The following CNBD1 variants were observed in gnomAD, a reference collection of about 807,000 sequenced individuals.
The protein encoded by CNBD1 is cyclic nucleotide binding domain containing 1.
Under a neutral mutation model 54.4 loss-of-function variants are expected in CNBD1, and 71 were observed. The observed-to-expected ratio is 1.30, with a 90% CI of 1.08 to 1.59. The LOEUF (loss-of-function observed/expected upper bound fraction) is 1.59. CNBD1 is among the 40% of genes most tolerant of loss of function. CNBD1 has a pLI of 0.00. For missense variants in CNBD1, 659 were observed against 518.0 expected (o/e 1.27, Z -2.64); for synonymous variants, 182 against 170.7 (o/e 1.07, Z -0.51).
intron 4 of CNBD1, among the ~76,000 whole-genome samples, chr8:87,170,099 A>C (rs1813054351): frequency 6.6e-6 from 1 of 152,070 alleles, no homozygotes. Context: ...AATGTTTTAC[A>C]GTTTTCATTG....
chr8:86,902,560 G>A (rs781524871), intron 2 of CNBD1, among the ~76,000 whole-genome samples: 1 of 151,984 alleles, frequency 6.6e-6, no homozygotes, highest in Non-Finnish European at 1.5e-5. Context: ...CCTGTATATA[G>A]AGAATCCTGA....
chr8:86,987,758 A>AT (rs1354893519), intron 4 of CNBD1, among the ~76,000 whole-genome samples: 1 of 151,654 alleles, frequency 6.6e-6, no homozygotes, highest in Non-Finnish European at 1.5e-5. Context: ...ATTGAGAATA[A>AT]TTTTTTCTTT....
intron 4 of CNBD1, among the ~76,000 whole-genome samples, chr8:86,981,084 A>G (rs1159527127): frequency 2.6e-5 from 4 of 152,252 alleles, no homozygotes; most frequent in Non-Finnish European, 4.4e-5. Flanking sequence ...AGAAACATCA[A>G]CATTCTATTT....
chr8:87,388,793 A>G (rs1043205500), intron 2 of CNBD1, among the ~76,000 whole-genome samples: 1 of 152,194 alleles, frequency 6.6e-6, no homozygotes. Context: ...GCAGAGACAC[A>G]ACAAAAAAAG....
At chr8:86,900,991 G>A (rs1229242563) in intron 2 of CNBD1, among the ~76,000 whole-genome samples, 1 of 152,072 alleles carries the variant, frequency 6.6e-6, no homozygotes, top group Non-Finnish European at 1.5e-5. Flanking sequence ...AAAATCATTG[G>A]CTAATGAGCT....
intron 5 of CNBD1, among the ~76,000 whole-genome samples, chr8:87,217,348 A>G (rs1249368201): frequency 6.6e-6 from 1 of 152,058 alleles, no homozygotes; most frequent in Non-Finnish European, 1.5e-5. Context: ...TTGTACCCAT[A>G]AGGGGATACA....
chr8:87,093,268 G>A (rs560619051), intron 4 of CNBD1, among the ~76,000 whole-genome samples: 2 of 152,238 alleles, frequency 1.3e-5, no homozygotes, highest in Admixed American at 1.3e-4. Context: ...GTGCGGCAAC[G>A]GACAGATGAG....
At chr8:87,349,504 T>G (rs1036807783) in intron 8 of CNBD1, among the ~76,000 whole-genome samples, 1 of 152,124 alleles carries the variant, frequency 6.6e-6, no homozygotes, top group Non-Finnish European at 1.5e-5. Flanking sequence ...GCCTTCCGAT[T>G]AGCTGGAATT....
intron 4 of CNBD1, among the ~76,000 whole-genome samples, chr8:87,035,342 A>C (rs1240731035): frequency 6.6e-6 from 1 of 152,146 alleles, no homozygotes; most frequent in Non-Finnish European, 1.5e-5. Context: ...CATTGGATAC[A>C]ATGTTCAACA....
chr8:87,423,917 T>C (rs1661805324), intron 2 of CNBD1, among the ~76,000 whole-genome samples: 1 of 152,208 alleles, frequency 6.6e-6, no homozygotes, highest in Admixed American at 6.5e-5. Flanking sequence ...GGACTCTTTT[T>C]GGTTGGTAAG....
Position 87,156,646 on chromosome 8 carries a change from G to A in CNBD1, c.432-49347G>A, listed in dbSNP as rs573765717. On this transcript the variant is annotated intron_variant, in intron 4 of 10. Coordinates refer to ENST00000518476, the MANE Select transcript of CNBD1 (RefSeq NM_173538.3). ...ATTTTAATTATTTTTTACAGGGGAC[G>A]TATATTCAGAGAGTTTTGCTATGCA... is the stretch of plus-strand genomic sequence containing the variant. Among the ~76,000 whole-genome samples the A allele has an allele frequency of 9.9e-5, 15 of 152,120 alleles. No individual in the cohort carries two copies. The South Asian group carries it at 1.0e-3, about 11-fold the overall frequency.
chr8:87,354,016 A>T (rs1563566389), intron 10 of CNBD1: 1 of 332,572 alleles, frequency 3.0e-6, no homozygotes, highest in Non-Finnish European at 5.5e-6. Flanking sequence ...CATCATATAG[A>T]AAGAGGTGAG....
chr8:87,009,299 T>C (rs1480258380), intron 4 of CNBD1, among the ~76,000 whole-genome samples: 1 of 152,014 alleles, frequency 6.6e-6, no homozygotes, highest in African/African-American at 2.4e-5. Flanking sequence ...TTTTTTATTT[T>C]ATTTTATTTT....
At chr8:87,387,453 A>G (rs1811212776), downstream of CNBD1, among the ~76,000 whole-genome samples, 1 of 152,162 alleles carries the variant, frequency 6.6e-6, no homozygotes, top group Non-Finnish European at 1.5e-5. Flanking sequence ...AGGGGTTGCA[A>G]CTCTAGTCTC....
At chr8:87,374,811 A>T (rs1810891647) in intron 10 of CNBD1, among the ~76,000 whole-genome samples, 1 of 150,278 alleles carries the variant, frequency 6.7e-6, no homozygotes, top group East Asian at 1.9e-4. Context: ...GGAATTGCTC[A>T]GAAAAATAGC....
intron 8 of CNBD1, among the ~76,000 whole-genome samples, chr8:87,319,893 G>T (rs570034533): frequency 8.5e-5 from 13 of 152,072 alleles, no homozygotes; most frequent in Non-Finnish European, 1.6e-4. Flanking sequence ...CCTTGCATTG[G>T]ATTTTGTCCT....
At chr8:87,391,187 C>T (rs1324249722) in intron 2 of CNBD1, among the ~76,000 whole-genome samples, 2 of 152,102 alleles carry the variant, frequency 1.3e-5, no homozygotes, top group Admixed American at 1.3e-4. Context: ...CATATGTATA[C>T]ATATGTGACA....
At chr8:87,383,737 G>A (rs145957135), downstream of CNBD1, among the ~76,000 whole-genome samples, 611 of 152,138 alleles carry the variant, frequency 4.0e-3, 7 homozygotes, top group African/African-American at 0.014. Flanking sequence ...TGCCAAATGC[G>A]CAAGAAACTA....
chr8:87,343,557 T>TGTA, intron 8 of CNBD1, among the ~76,000 whole-genome samples: 1 of 152,206 alleles, frequency 6.6e-6, no homozygotes, highest in East Asian at 1.9e-4. Context: ...CTTATAACTA[T>TGTA]ACTCTTGTCA....
Sources: gnomAD v4.1 joint callset for allele counts (sites outside exome capture counted in the v4.1 genomes callset) on GRCh38, gnomAD v4.1.1 for gene constraint, MANE v1.5 for transcripts, NCBI Gene and HGNC (gene_info 2026-07-23, HGNC 2026-07-21) for gene names.